Variants in GOLGA2 observed in about 807,000 individuals in gnomAD.
GOLGA2 encodes the protein golgin A2.
Under a neutral mutation model 148.8 loss-of-function variants are expected in GOLGA2, and 49 were observed. That is an observed-to-expected ratio of 0.33 (90% CI 0.26 to 0.42). The LOEUF (loss-of-function observed/expected upper bound fraction) is 0.42, where lower values mean the gene tolerates loss of function less well. GOLGA2 is among the 10% of genes least tolerant of loss of function. GOLGA2 has a pLI of 1.00. For synonymous variants in GOLGA2, 501 were observed against 511.8 expected, an observed-to-expected ratio of 0.98 and a Z score of 0.28; for missense variants, 1,178 against 1,304.6, an observed-to-expected ratio of 0.90 and a Z score of 1.49.
chr9:128,266,332 G>T lies in GOLGA2; in HGVS notation c.643-7C>A. ...TTTCTTGGTTCTGTTGTTTCTGTGG[G>T]GAAGAGTCAAAGGAAGGTGACTGAG... On this transcript the variant is annotated splice_region_variant and splice_polypyrimidine_tract_variant and intron_variant, in intron 8 of 26. Transcript: ENST00000611957. This position sits in a 1 kb window ranked among gnomAD's most constrained non-coding sequence, Gnocchi z 4.2. 6.2e-7 allele frequency: 1 copy of T among 1,612,402 alleles called. No individual in the cohort carries two copies.
At chr9:128,272,613 G>C (rs891818934) in intron 3 of GOLGA2, among the ~76,000 whole-genome samples, 172 bp downstream of exon 3, 1 of 152,190 alleles carries the variant, frequency 6.6e-6, no homozygotes, top group Non-Finnish European at 1.5e-5. Context: ...TTTGGGGGAA[G>C]AATAAAAACC....
rs143490115 is a variant in GOLGA2, at chr9:128,266,547, G to C, written c.643-222C>G. 51 of 598,832 alleles carry C rather than the reference G, an allele frequency of 8.5e-5. 1 individual carries two copies. The Middle Eastern group carries it at 7.1e-3, about 83-fold the overall frequency. The allele number at this position is 598,832 out of a possible 1,614,324, so 37.1% of individuals were successfully genotyped here. A position where few individuals can be genotyped will look rare whatever the true frequency, so the allele number is the denominator to read the frequency against. On this transcript the variant is annotated intron_variant, in intron 8 of 26. Transcript: ENST00000611957. This position sits in a 1 kb window ranked among gnomAD's most constrained non-coding sequence, Gnocchi z 4.2. ...CCACAGAACTGAAAGTCTGAATCTC[G>C]ATTCTCTTGAAAGGACAGTAACATA...
intron 3 of GOLGA2, among the ~76,000 whole-genome samples, chr9:128,270,627 C>T (rs951563111): frequency 6.6e-6 from 1 of 151,980 alleles, no homozygotes; most frequent in Non-Finnish European, 1.5e-5. Flanking sequence ...TTATCAGCTC[C>T]GCTCAGGATA....
intron 19 of GOLGA2, among the ~76,000 whole-genome samples, chr9:128,259,780 G>T (rs1051935497): frequency 6.6e-6 from 1 of 152,236 alleles, no homozygotes; most frequent in Non-Finnish European, 1.5e-5. Flanking sequence ...ATGACCAGTG[G>T]AGCAAAGGCC....
At chr9:128,262,877 A>C (rs1310345308) in intron 13 of GOLGA2, 157 bp downstream of exon 13, 1 of 798,904 alleles carries the variant, frequency 1.3e-6, no homozygotes, top group Non-Finnish European at 2.1e-6. Flanking sequence ...CCAAGGCTAC[A>C]CCATGAGTCA....
rs1013996890 is a variant in GOLGA2 at position 128,258,509 on chromosome 9, T to TGCCACC, written c.2229_2234dup (p.Ala745_Val746dup). ...GGATGCTTGGCATGGGCTGAGGTACTGCCACCGCCTCCTCCTCCTCCTCCT... is the reference window on the plus strand; with the variant it reads ...GGATGCTTGGCATGGGCTGAGGTACTGCCACCGCCACCGCCTCCTCCTCCTCCTCCT... On this transcript the variant is annotated inframe_insertion, in exon 22 of 27. Coordinates refer to ENST00000611957, the MANE Select transcript of GOLGA2 (RefSeq NM_001366244.2). This position sits in a 1 kb window ranked among gnomAD's most constrained non-coding sequence, Gnocchi z 6.6. 1.9e-6 allele frequency: 3 copies of TGCCACC among 1,600,482 alleles called. No individual in the cohort carries two copies. In the African/African-American group the frequency reaches 4.4e-5, roughly 23 times the overall value.
In GOLGA2 at chr9:128,257,786, T is replaced by C. The variant is rs1340196771; in HGVS notation, c.2611+4A>G. The C allele has an allele frequency of 1.2e-6, 2 of 1,613,306 alleles. No individual in the cohort carries two copies. The highest frequency in any genetic ancestry group is 3.3e-5 in the Admixed American group (2 of 60,020). ...CTCCTGCCGTGCCCTGGCCTCCCAC[T>C]CACCAATGGTGTCTGTCTCTCCAGA... On this transcript the variant is annotated splice_donor_region_variant and intron_variant, in intron 24 of 26. Coordinates refer to ENST00000611957, the MANE Select transcript of GOLGA2 (RefSeq NM_001366244.2). This position sits in a 1 kb window ranked among gnomAD's most constrained non-coding sequence, Gnocchi z 8.0.
intron 3 of GOLGA2, among the ~76,000 whole-genome samples, chr9:128,270,891 C>T (rs57948309): frequency 0.12 from 17,724 of 151,454 alleles, 1,102 homozygotes; most frequent in Middle Eastern, 0.17. Flanking sequence ...ATTAAAAATA[C>T]AAAAAAAATG....
At position 128,271,038 on chromosome 9, in the gene GOLGA2, T is replaced by C. The variant is rs971322702; in HGVS notation, c.288+1747A>G. On this transcript the variant is annotated intron_variant, in intron 3 of 26. Coordinates refer to ENST00000611957, the MANE Select transcript of GOLGA2 (RefSeq NM_001366244.2). The surrounding 1 kb of genome is among the most constrained non-coding windows in gnomAD (Gnocchi z 4.4). ...CACTCCAGGAGAAAGAGCAAGACTC[T>C]TTCTCAAAAACAAAAACAAAACAGC... Among the ~76,000 whole-genome samples, 1 of 152,026 alleles carries C rather than the reference T, an allele frequency of 6.6e-6. No individual in the cohort carries two copies.
chr9:128,259,014 AG>A lies in GOLGA2; in HGVS notation c.2165del (p.Pro722LeufsTer50). ...LRAQLSLMAH[P>X]GEGDGLDREE... ...GTGAGCAGGTTCCCGTACCTTCCCCAGGGTGAGCCATGAGGCTCAACTGGGC... is the reference window on the plus strand; with the variant it reads ...GTGAGCAGGTTCCCGTACCTTCCCCAGGTGAGCCATGAGGCTCAACTGGGC... On this transcript the variant is annotated frameshift_variant, in exon 21 of 27. Transcript: ENST00000611957. LOFTEE classifies it high-confidence loss of function. 1 of 1,593,984 alleles carries A rather than the reference AG, an allele frequency of 6.3e-7. No individual in the cohort carries two copies. The highest frequency in any genetic ancestry group is 8.6e-7 in the Non-Finnish European group (1 of 1,165,648).
chr9:128,263,119 GA>G lies in GOLGA2; in HGVS notation c.934-28del, dbSNP rs1200518042. On this transcript the variant is annotated intron_variant, in intron 12 of 26. Transcript: ENST00000611957. The stretch of plus-strand genomic sequence containing the variant: ...TGTAAATACAGAAAGGTTAAGTCAG[GA>G]TATAGCAGGCAGAGGAGCAGCTGGC... 2.6e-6 allele frequency: 4 copies of G among 1,517,290 alleles called. No individual in the cohort carries two copies. In the East Asian group the frequency reaches 9.0e-5, roughly 34 times the overall value. The allele number at this position is 1,517,290 out of a possible 1,614,324, so 94.0% of individuals were successfully genotyped here. A position where few individuals can be genotyped will look rare whatever the true frequency, so the allele number is the denominator to read the frequency against.
chr9:128,270,776 TG>T (rs1339442147), intron 3 of GOLGA2, among the ~76,000 whole-genome samples: 1 of 152,138 alleles, frequency 6.6e-6, no homozygotes, highest in Admixed American at 6.6e-5. Context: ...CTGGGCATGG[TG>T]GCTCACACAT....
intron 12 of GOLGA2, among the ~76,000 whole-genome samples, chr9:128,264,694 CT>C (rs1830490596): frequency 6.6e-6 from 1 of 152,176 alleles, no homozygotes; most frequent in South Asian, 2.1e-4. Flanking sequence ...TCCCAAAGTG[CT>C]GGGATTACAG....
rs1830061503 is a variant in GOLGA2 at position 128,258,638 on chromosome 9, A to AC, written c.2174-69dup. 8.6e-7 allele frequency: 1 copy of AC among 1,159,948 alleles called. No homozygotes were observed. The highest frequency in any genetic ancestry group is 1.2e-6 in the Non-Finnish European group (1 of 805,910). The allele number at this position is 1,159,948 out of a possible 1,614,324, so 71.9% of individuals were successfully genotyped here. ...GTACAGTGGGCCCACCTCTGCCCCC[A>AC]CCCTCACTGTGTAACCCTGGGCCAG... On this transcript the variant is annotated intron_variant, in intron 21 of 26. Transcript: ENST00000611957. The surrounding 1 kb of genome is among the most constrained non-coding windows in gnomAD (Gnocchi z 6.6).
chr9:128,268,388 G>A, intron 4 of GOLGA2, 32 bp downstream of exon 4: 1 of 1,186,488 alleles, frequency 8.4e-7, no homozygotes, highest in Non-Finnish European at 1.3e-6. Flanking sequence ...AGGTACAGGA[G>A]GGCAGTGGGC....
Position 128,260,608 on chromosome 9 carries a change from C to G in GOLGA2, c.1615G>C (p.Glu539Gln). 6.2e-7 allele frequency: 1 copy of G among 1,611,240 alleles called. No individual in the cohort carries two copies. The highest frequency in any genetic ancestry group is 8.5e-7 in the Non-Finnish European group (1 of 1,179,966). Residue 539 changes from glutamate to glutamine, a missense_variant, in exon 18 of 27, where the codon GAG becomes CAG. Glu to Gln is a conservative substitution (Grantham distance 29). Coordinates refer to ENST00000611957, the MANE Select transcript of GOLGA2 (RefSeq NM_001366244.2). The surrounding 1 kb of genome is among the most constrained non-coding windows in gnomAD (Gnocchi z 4.8). ...ERLLELERAA[E>Q]LWGEQAEARR... ...GCCTCCGCCTGCTCCCCCCAGAGCT[C>G]GGCCGCCCGCTCCAGCTCCAGCAGC...
intron 6 of GOLGA2, 50 bp from the exon 7 acceptor site, chr9:128,267,567 A>G: frequency 1.4e-6 from 2 of 1,399,434 alleles, no homozygotes; most frequent in Non-Finnish European, 2.0e-6. Context: ...CTCAGTGTCT[A>G]AGCCCTCTAA....
intron 3 of GOLGA2, among the ~76,000 whole-genome samples, chr9:128,270,620 T>G (rs1021179003): frequency 6.6e-6 from 1 of 152,108 alleles, no homozygotes; most frequent in East Asian, 1.9e-4. Context: ...GGAAATGTTA[T>G]CAGCTCCGCT....
chr9:128,263,883 G>A (rs1214756484), intron 12 of GOLGA2, among the ~76,000 whole-genome samples: 2 of 150,940 alleles, frequency 1.3e-5, no homozygotes, highest in African/African-American at 4.9e-5. Flanking sequence ...GTGGCCGGGT[G>A]CGGTGGCTCA....
Sources: allele counts gnomAD v4.1 joint callset (sites outside exome capture counted in the v4.1 genomes callset), GRCh38; gene constraint gnomAD v4.1.1; non-coding constraint Gnocchi (gnomAD v3.1); transcripts MANE v1.5; gene names NCBI Gene and HGNC (gene_info 2026-07-23, HGNC 2026-07-21).